Variants in SI observed in about 807,000 individuals in gnomAD.
The protein encoded by SI is sucrase-isomaltase.
In SI, 235 loss-of-function variants were observed where a neutral mutation model predicts 253.3. The ratio of observed to expected loss-of-function variants is 0.93; its 90% CI spans 0.83 to 1.03. The LOEUF (loss-of-function observed/expected upper bound fraction) is 1.03. Among genes scored for constraint, SI ranks in the 50% least tolerant of loss-of-function variants. SI has a pLI of 0.00. For synonymous variants in SI, 819 were observed against 712.0 expected, an observed-to-expected ratio of 1.15 and a Z score of -2.39; for missense variants, 2,442 against 2,211.1, an observed-to-expected ratio of 1.10 and a Z score of -2.09.
upstream of SI, among the ~76,000 whole-genome samples, chr3:165,079,878 TAA>T (rs1329032246): frequency 6.6e-6 from 1 of 151,816 alleles, no homozygotes; most frequent in East Asian, 1.9e-4. Flanking sequence ...TTAAAGATTT[TAA>T]AAATTGAGAG....
In SI at chr3:165,055,375, A is replaced by T. The variant is rs73877393; in HGVS notation, c.1399-68T>A. Reference sequence around the variant, plus strand: ...AAATAAATAAATGGAATTTCAAATTAATAAAGTTGAGAATAGTAAAAAAAA... The same window carrying T: ...AAATAAATAAATGGAATTTCAAATTTATAAAGTTGAGAATAGTAAAAAAAA... On this transcript the variant is annotated intron_variant, in intron 12 of 47. Coordinates refer to ENST00000264382, the MANE Select transcript of SI (RefSeq NM_001041.4). 5.1e-3 allele frequency: 4,572 copies of T among 895,012 alleles called. 116 individuals are homozygous for T. In the African/African-American group the frequency reaches 0.065, roughly 13 times the overall value. 55.4% of individuals were successfully genotyped at this position (895,012 alleles called of 1,614,324 possible). A position where few individuals can be genotyped will look rare whatever the true frequency, so the allele number is the denominator to read the frequency against.
the SI span, among the ~76,000 whole-genome samples, chr3:165,085,301 A>C: frequency 3.9e-5 from 6 of 152,142 alleles, no homozygotes; most frequent in African/African-American, 4.8e-5. Flanking sequence ...TTCAAGTATA[A>C]ATTTTTTGAA....
intron 44 of SI, among the ~76,000 whole-genome samples, chr3:164,987,551 T>C (rs996790084): frequency 6.6e-6 from 1 of 151,896 alleles, no homozygotes; most frequent in Non-Finnish European, 1.5e-5. Flanking sequence ...TCTACTAAAG[T>C]ACAAAAAATT....
chr3:165,017,544 A>T lies in SI; in HGVS notation c.3759+4T>A. The T allele has an allele frequency of 4.3e-6, 7 of 1,610,902 alleles. No individual in the cohort carries two copies. Among genetic ancestry groups the T allele is most frequent in the Non-Finnish European group, 5.9e-6 (7 of 1,177,504 alleles). ...TAACATTGTTTTAAAATTGATATAC[A>T]TACATAGGGGATGTTAGCAGCCACC... is the stretch of plus-strand genomic sequence containing the variant. On this transcript the variant is annotated splice_donor_region_variant and intron_variant, in intron 31 of 47. Transcript: ENST00000264382.
Position 164,982,225 on chromosome 3 carries a change from T to C in SI, c.5415+18A>G. On this transcript the variant is annotated intron_variant, in intron 47 of 47. Transcript: ENST00000264382. Reference sequence around the variant, plus strand: ...TAAATACGTACGCTTTTGAAAAATATTTTCTTACATTACTTACCATGTTGG... The same window carrying C: ...TAAATACGTACGCTTTTGAAAAATACTTTCTTACATTACTTACCATGTTGG... The C allele has an allele frequency of 6.2e-7, 1 of 1,602,074 alleles. No individual in the cohort carries two copies. The highest frequency in any genetic ancestry group is 1.3e-5 in the African/African-American group (1 of 74,434).
At chr3:165,038,896 G>T (rs1468510647) in intron 20 of SI, among the ~76,000 whole-genome samples, 182 bp downstream of exon 20, 1 of 151,936 alleles carries the variant, frequency 6.6e-6, no homozygotes, top group Admixed American at 6.6e-5. Flanking sequence ...GTGCAACAAA[G>T]GGTATACTTA....
At chr3:164,981,335 T>A (rs1039759834) in intron 47 of SI, among the ~76,000 whole-genome samples, 17 of 152,170 alleles carry the variant, frequency 1.1e-4, no homozygotes, top group African/African-American at 3.9e-4. Context: ...TTCAAAAAGA[T>A]GGAACAGACT....
At chr3:164,988,356 T>C (rs1259516579) in intron 44 of SI, among the ~76,000 whole-genome samples, 1 of 152,206 alleles carries the variant, frequency 6.6e-6, no homozygotes, top group African/African-American at 2.4e-5. Flanking sequence ...GGTTTAAATA[T>C]AATTTAGAAA....
At position 165,063,463 on chromosome 3, in the gene SI, A is replaced by G; in HGVS notation, c.886T>C (p.Leu296=). 2.0e-6 allele frequency: 3 copies of G among 1,532,450 alleles called. No individual in the cohort carries two copies. The highest frequency in any genetic ancestry group is 2.7e-6 in the Non-Finnish European group (3 of 1,107,802). The allele number at this position is 1,532,450 out of a possible 1,614,324, so 94.9% of individuals were successfully genotyped here. A position where few individuals can be genotyped will look rare whatever the true frequency, so the allele number is the denominator to read the frequency against. ...TTACCCATTGCATTGCTATTCATTA[A>G]AAAAACACCGAATGACTTTCCAGAT... ...DTSGKSFGVF[L]MNSNAMEIFI... The change falls in exon 8 of 48, where the codon TTA becomes CTA. Residue 296 remains leucine (L), a synonymous_variant. Transcript: ENST00000264382.
At chr3:165,041,663 C>A (rs548799915) in intron 17 of SI, among the ~76,000 whole-genome samples, 1 of 152,206 alleles carries the variant, frequency 6.6e-6, no homozygotes, top group South Asian at 2.1e-4. Context: ...TGTAGACTTA[C>A]AATTTGTAGT....
chr3:165,010,969 GA>G (rs1183802881), intron 34 of SI, among the ~76,000 whole-genome samples: 1 of 152,122 alleles, frequency 6.6e-6, no homozygotes, highest in Non-Finnish European at 1.5e-5. Flanking sequence ...CTCTGTTTTA[GA>G]AGTAGTTTTG....
intron 3 of SI, among the ~76,000 whole-genome samples, chr3:165,073,959 G>A (rs1301144847): frequency 6.6e-6 from 1 of 151,984 alleles, no homozygotes. Context: ...ATGAAGGACT[G>A]TACATATACA....
At chr3:165,053,259 A>G (rs184472459) in intron 13 of SI, among the ~76,000 whole-genome samples, 2 of 152,198 alleles carry the variant, frequency 1.3e-5, no homozygotes, top group Admixed American at 1.3e-4. Flanking sequence ...CATTTCCCAA[A>G]GTGATTTTAA....
At chr3:165,051,656 C>A (rs1398837529) in intron 13 of SI, among the ~76,000 whole-genome samples, 1 of 151,898 alleles carries the variant, frequency 6.6e-6, no homozygotes, top group Non-Finnish European at 1.5e-5. Context: ...GAGTCTTTTT[C>A]TAAACAATTT....
upstream of SI, among the ~76,000 whole-genome samples, chr3:165,081,069 A>T (rs1370387321): frequency 1.3e-5 from 2 of 151,972 alleles, no homozygotes; most frequent in African/African-American, 4.8e-5. Flanking sequence ...AATGAACCTC[A>T]ATCAATCGAA....
Position 165,036,447 on chromosome 3 carries a change from T to A in SI, c.2457A>T (p.Ala819=), listed in dbSNP as rs1407780082. The change falls in exon 22 of 48, where the codon GCA becomes GCT. Residue 819 remains alanine, a synonymous_variant. Coordinates refer to ENST00000264382, the MANE Select transcript of SI (RefSeq NM_001041.4). ...CTTTGGCTGTGTTGTTTTCACCTAA[T>A]GCGACTATAAGTCCTAGAGGATTCT... ...SRKNPLGLIV[A]LGENNTAKGD... The A allele has an allele frequency of 1.2e-6, 2 of 1,611,422 alleles. No individual in the cohort carries two copies. The highest frequency in any genetic ancestry group is 2.2e-5 in the South Asian group (2 of 91,062).
chr3:165,069,027 G>T (rs11927199), intron 4 of SI, 51 bp downstream of exon 4: 5 of 1,268,702 alleles, frequency 3.9e-6, no homozygotes, highest in African/African-American at 1.5e-5. Context: ...CCACATTTTC[G>T]CTCCAGTTAG....
At position 165,067,451 on chromosome 3, in the gene SI, T is replaced by C; in HGVS notation, c.524A>G (p.Gln175Arg). 1 of 1,611,572 alleles carries C rather than the reference T, an allele frequency of 6.2e-7. No individual in the cohort carries two copies. The highest frequency in any genetic ancestry group is 8.5e-7 in the Non-Finnish European group (1 of 1,177,956). The change falls in exon 6 of 48, where the codon CAG (glutamine) becomes CGG (arginine). Residue 175 changes from glutamine (Q) to arginine (R), a missense_variant. Transcript: ENST00000264382. ...GGGTCCAGTAAACTCTTTTACATAC[T>C]GATGAGGAACTTCATATCTTCTATT... ...PNNRRYEVPH[Q>R]YVKEFTGPTV...
intron 35 of SI, among the ~76,000 whole-genome samples, 172 bp from the exon 36 acceptor site, chr3:165,008,170 T>C (rs1440930438): frequency 6.6e-6 from 1 of 151,968 alleles, no homozygotes; most frequent in South Asian, 2.1e-4. Flanking sequence ...GTTTATCTCA[T>C]TGATTGCTTT....
Sources: gnomAD v4.1 joint callset for allele counts (sites outside exome capture counted in the v4.1 genomes callset) on GRCh38, gnomAD v4.1.1 for gene constraint, MANE v1.5 for transcripts, NCBI Gene and HGNC (gene_info 2026-07-23, HGNC 2026-07-21) for gene names.